Variants in DSCAM observed in about 807,000 individuals in gnomAD.
DSCAM encodes the protein cell adhesion molecule DSCAM.
Under a neutral mutation model 217.7 loss-of-function variants are expected in DSCAM, and 47 were observed. The ratio of observed to expected loss-of-function variants is 0.22; its 90% CI spans 0.17 to 0.28. DSCAM has a LOEUF of 0.28. DSCAM is among the 10% of genes least tolerant of loss of function. DSCAM has a pLI of 1.00. For synonymous variants in DSCAM, 1,056 were observed against 1,015.3 expected, an observed-to-expected ratio of 1.04 and a Z score of -0.76; for missense variants, 2,080 against 2,618.3, an observed-to-expected ratio of 0.79 and a Z score of 4.49.
chr21:40,478,100 C>T (rs529782197), intron 3 of DSCAM, among the ~76,000 whole-genome samples: 1 of 152,312 alleles, frequency 6.6e-6, no homozygotes, highest in South Asian at 2.1e-4. Context: ...AATAGAACCA[C>T]ACAGAATATA....
chr21:40,787,023 T>G (rs898312798), intron 1 of DSCAM, among the ~76,000 whole-genome samples: 5 of 152,242 alleles, frequency 3.3e-5, no homozygotes, highest in African/African-American at 1.2e-4. Context: ...TTGAAACGTA[T>G]GGCAATTTTC....
intron 23 of DSCAM, 43 bp downstream of exon 23, chr21:40,085,559 A>C: frequency 7.1e-7 from 1 of 1,414,514 alleles, no homozygotes; most frequent in Non-Finnish European, 9.4e-7. Flanking sequence ...TAGAAAGCAT[A>C]CATGTAAAAG....
At chr21:40,764,293 C>T (rs1424339462) in intron 1 of DSCAM, among the ~76,000 whole-genome samples, 1 of 146,990 alleles carries the variant, frequency 6.8e-6, no homozygotes, top group East Asian at 2.0e-4. Context: ...AGTATATTAG[C>T]AGACACTTCT....
chr21:40,641,310 G>C (rs765696910), intron 3 of DSCAM, among the ~76,000 whole-genome samples: 1 of 152,164 alleles, frequency 6.6e-6, no homozygotes, highest in Admixed American at 6.5e-5. Flanking sequence ...AGCTAGATGA[G>C]TGTTATACAA....
At chr21:40,445,103 G>A (rs866226626) in intron 3 of DSCAM, among the ~76,000 whole-genome samples, 2 of 152,168 alleles carry the variant, frequency 1.3e-5, no homozygotes, top group African/African-American at 2.4e-5. Context: ...CTCACATGGT[G>A]GAAGAGACAA....
chr21:40,387,077 G>A (rs1032310009), intron 3 of DSCAM, among the ~76,000 whole-genome samples: 3 of 151,890 alleles, frequency 2.0e-5, no homozygotes, highest in African/African-American at 7.3e-5. Context: ...AAACTCTCCA[G>A]GTATAAGAAA....
intron 20 of DSCAM, among the ~76,000 whole-genome samples, chr21:40,108,943 C>A (rs530694059): frequency 2.6e-5 from 4 of 152,224 alleles, no homozygotes; most frequent in African/African-American, 9.6e-5. Flanking sequence ...AACTAGCTAG[C>A]CATATGCAGA....
rs2090743588 is a variant in DSCAM, at chr21:40,708,638, G to C, written c.177C>G (p.Tyr59Ter). Residue 59 changes from tyrosine to a stop codon, truncating the protein, a stop_gained, in exon 2 of 33, where the codon TAC becomes TAG. Coordinates refer to ENST00000400454, the MANE Select transcript of DSCAM (RefSeq NM_001389.5). LOFTEE classifies it high-confidence loss of function. The stretch of plus-strand genomic sequence containing the variant: ...CGTAGATCTCCTCGCCCGTGGCTAG[G>C]TACCATCTGAGAGTCACAGGAGGGA... ...AGIPPVTLRW[Y>*]LATGEEIYDV... 6.2e-7 allele frequency: 1 copy of C among 1,613,208 alleles called. No individual in the cohort carries two copies. The highest frequency in any genetic ancestry group is 8.5e-7 in the Non-Finnish European group (1 of 1,179,694).
At chr21:40,397,987 T>C (rs1400028511) in intron 3 of DSCAM, among the ~76,000 whole-genome samples, 1 of 152,172 alleles carries the variant, frequency 6.6e-6, no homozygotes, top group Non-Finnish European at 1.5e-5. Context: ...ACCACTACTC[T>C]AAGAGCACCC....
rs540314743 is a variant in DSCAM, at chr21:40,710,130, G to A, written c.44-1359C>T. 1.6e-4 allele frequency among the ~76,000 whole-genome samples: 24 copies of A among 152,146 alleles called. No homozygotes were observed. In the South Asian group the frequency reaches 5.0e-3, roughly 32 times the overall value. ...TTTCACGTTTGTTGGCTGCATAAAT[G>A]TCTTCTTTTGAGAAGAGTCTGTTTA... On this transcript the variant is annotated intron_variant, in intron 1 of 32. Transcript: ENST00000400454.
intron 21 of DSCAM, among the ~76,000 whole-genome samples, chr21:40,087,524 G>A (rs1488787471): frequency 6.6e-6 from 1 of 152,172 alleles, no homozygotes; most frequent in Non-Finnish European, 1.5e-5. Context: ...AACATGAGGA[G>A]TCCAAATTAA....
intron 2 of DSCAM, among the ~76,000 whole-genome samples, chr21:40,699,472 C>T (rs1040111977): frequency 1.2e-4 from 18 of 152,126 alleles, no homozygotes; most frequent in African/African-American, 4.3e-4. Context: ...ATATCAAAAG[C>T]TAAGACAGGC....
rs117187619 is a variant in DSCAM, at chr21:40,202,787, G to C, written c.2357-13549C>G. Among the ~76,000 whole-genome samples the C allele has an allele frequency of 2.1e-3, 327 of 152,272 alleles. 5 individuals carry two copies. The East Asian group carries it at 0.037, about 17-fold the overall frequency. On this transcript the variant is annotated intron_variant, in intron 11 of 32. Coordinates refer to ENST00000400454, the MANE Select transcript of DSCAM (RefSeq NM_001389.5). ...TGTGTTAATATTCATTTTCCACTGT[G>C]CCTCTTCATTCAAGCATTAGTGGCA...
At chr21:40,181,713 C>T (rs1037045371) in intron 14 of DSCAM, among the ~76,000 whole-genome samples, 2 of 144,378 alleles carry the variant, frequency 1.4e-5, no homozygotes, top group Non-Finnish European at 3.1e-5. Context: ...AGAAGAAGAC[C>T]TTCTGGCAAA....
intron 16 of DSCAM, among the ~76,000 whole-genome samples, chr21:40,152,196 T>C (rs1464404568): frequency 6.6e-6 from 1 of 152,198 alleles, no homozygotes; most frequent in Non-Finnish European, 1.5e-5. Context: ...ACAAGGCCCT[T>C]TCCACAGGGA....
chr21:40,261,132 T>C (rs1031901153), intron 11 of DSCAM, among the ~76,000 whole-genome samples: 3 of 152,210 alleles, frequency 2.0e-5, no homozygotes, highest in Non-Finnish European at 4.4e-5. Context: ...CCACTGCTTC[T>C]TTACCCATAA....
intron 4 of DSCAM, among the ~76,000 whole-genome samples, chr21:40,354,134 A>G (rs1446304356): frequency 5.9e-5 from 9 of 152,206 alleles, no homozygotes; most frequent in Non-Finnish European, 1.0e-4. Context: ...AATAAGACCT[A>G]GTGGTAGACA....
intron 4 of DSCAM, among the ~76,000 whole-genome samples, chr21:40,359,538 G>A (rs1040176598): frequency 6.6e-6 from 1 of 152,170 alleles, no homozygotes; most frequent in African/African-American, 2.4e-5. Flanking sequence ...TCCATAGCAG[G>A]ATTATTCATA....
chr21:40,151,964 A>G (rs1014238666), intron 16 of DSCAM, among the ~76,000 whole-genome samples: 1 of 152,176 alleles, frequency 6.6e-6, no homozygotes, highest in African/African-American at 2.4e-5. Flanking sequence ...TCTTAAAAGA[A>G]GGATTCCAGA....
Sources: gnomAD v4.1 joint callset for allele counts (sites outside exome capture counted in the v4.1 genomes callset) on GRCh38, gnomAD v4.1.1 for gene constraint, MANE v1.5 for transcripts, NCBI Gene and HGNC (gene_info 2026-07-23, HGNC 2026-07-21) for gene names.